ROR1: variants seen among roughly 807,000 people sequenced by gnomAD.
ROR1 encodes the protein inactive tyrosine-protein kinase transmembrane receptor ROR1.
A neutral mutation model predicts 78.8 loss-of-function variants in ROR1; 19 were observed. The ratio of observed to expected loss-of-function variants is 0.24; its 90% CI spans 0.17 to 0.35. ROR1 has a LOEUF of 0.35. Among genes scored for constraint, ROR1 ranks in the 10% least tolerant of loss-of-function variants. ROR1 has a pLI of 1.00. For synonymous variants in ROR1, 386 were observed against 433.6 expected (o/e 0.89, Z 1.36); for missense variants, 917 against 1,177.8 (o/e 0.78, Z 3.24).
rs78522235 is a variant in ROR1, at chr1:64,175,396, A to G, written c.1387-2032A>G. The stretch of plus-strand genomic sequence containing the variant: ...TTTTTTTTCAAATGTGGAATATTCT[A>G]TTTACTAGCTCCACTGTAATTGATT... On this transcript the variant is annotated intron_variant, in intron 8 of 8. Coordinates refer to ENST00000371079, the MANE Select transcript of ROR1 (RefSeq NM_005012.4). Among the ~76,000 whole-genome samples, 744 of 152,238 alleles carry G rather than the reference A, an allele frequency of 4.9e-3. 5 individuals carry two copies. Among genetic ancestry groups the G allele is most frequent in the African/African-American group, 0.016 (661 of 41,562 alleles).
At chr1:63,994,550 A>G (rs1646322305) in intron 1 of ROR1, among the ~76,000 whole-genome samples, 1 of 152,196 alleles carries the variant, frequency 6.6e-6, no homozygotes, top group African/African-American at 2.4e-5. Flanking sequence ...GTCAGAAAAA[A>G]TGCAGACAAT....
intron 1 of ROR1, among the ~76,000 whole-genome samples, chr1:63,852,227 A>G (rs1053896937): frequency 1.3e-5 from 2 of 152,248 alleles, no homozygotes; most frequent in Middle Eastern, 3.2e-3. Flanking sequence ...ACAGCTCATC[A>G]GTGGTGCTGC....
intron 4 of ROR1, chr1:64,111,515 C>T (rs930965974): frequency 1.3e-5 from 2 of 152,210 alleles, no homozygotes; most frequent in Non-Finnish European, 2.9e-5. Flanking sequence ...TTCTTAAGAA[C>T]CCTCAGGAGC....
chr1:64,081,859 A>G (rs189538737), intron 4 of ROR1, among the ~76,000 whole-genome samples: 88 of 152,182 alleles, frequency 5.8e-4, no homozygotes, highest in South Asian at 1.5e-3. Flanking sequence ...TCAATTCTAT[A>G]AAATATGTAT....
rs1208813882 is a variant in ROR1, at chr1:64,014,740, C to CTATATATATATATATATATA, written c.163+5379_163+5398dup. Among the ~76,000 whole-genome samples the CTATATATATATATATATATA allele has an allele frequency of 8.6e-3, 249 of 28,938 alleles. 8 individuals are homozygous for CTATATATATATATATATATA. The highest frequency in any genetic ancestry group is 0.013 in the African/African-American group (118 of 8,924). The allele number at this position is 28,938 out of a possible 152,430, so 19.0% of individuals were successfully genotyped here. Reference sequence around the variant, plus strand: ...ATATATATATATACACATACGCACACTATATATATATATATATATATATAT... The same window carrying CTATATATATATATATATATA: ...ATATATATATATACACATACGCACACTATATATATATATATATATATATATATATATATATATATATATAT... On this transcript the variant is annotated intron_variant, in intron 2 of 8. Transcript: ENST00000371079.
At chr1:64,083,593 G>GAAAAA (rs1270419889) in intron 4 of ROR1, among the ~76,000 whole-genome samples, 6 of 133,954 alleles carry the variant, frequency 4.5e-5, no homozygotes, top group Non-Finnish European at 6.2e-5. Context: ...GAGAGAGAGA[G>GAAAAA]AGAAAAAAAA....
chr1:63,785,214 C>T (rs1445726550), intron 1 of ROR1, among the ~76,000 whole-genome samples: 1 of 152,190 alleles, frequency 6.6e-6, no homozygotes, highest in African/African-American at 2.4e-5. Flanking sequence ...GATTTCACTC[C>T]AACTGGGGTG....
chr1:63,876,561 A>G (rs1434503724), intron 1 of ROR1, among the ~76,000 whole-genome samples: 2 of 152,036 alleles, frequency 1.3e-5, no homozygotes, highest in Non-Finnish European at 2.9e-5. Flanking sequence ...TCTGAATGTT[A>G]GCCCAGATGA....
chr1:64,153,303 G>A (rs899526595), intron 7 of ROR1, among the ~76,000 whole-genome samples: 1 of 152,150 alleles, frequency 6.6e-6, no homozygotes, highest in African/African-American at 2.4e-5. Context: ...TCTGTTGATA[G>A]GAATGTAAAA....
chr1:64,150,104 A>T (rs1220641688), intron 7 of ROR1, among the ~76,000 whole-genome samples: 3 of 152,104 alleles, frequency 2.0e-5, no homozygotes, highest in Middle Eastern at 3.2e-3. Flanking sequence ...TTTACCCTTG[A>T]TCAAATCCTG....
At chr1:64,123,373 G>T (rs1297749044) in intron 4 of ROR1, among the ~76,000 whole-genome samples, 1 of 152,084 alleles carries the variant, frequency 6.6e-6, no homozygotes, top group African/African-American at 2.4e-5. Context: ...TTGACATGTT[G>T]GATTTAAGGA....
At chr1:63,902,723 A>G (rs1445587170) in intron 1 of ROR1, among the ~76,000 whole-genome samples, 1 of 152,194 alleles carries the variant, frequency 6.6e-6, no homozygotes, top group Admixed American at 6.5e-5. Context: ...TATTGGCTTA[A>G]TAAGTTATGG....
intron 1 of ROR1, among the ~76,000 whole-genome samples, chr1:63,959,831 A>T (rs1024572532): frequency 1.3e-5 from 2 of 151,998 alleles, no homozygotes; most frequent in African/African-American, 4.8e-5. Context: ...TGGATTCTTC[A>T]TGTCCTTCAA....
intron 1 of ROR1, among the ~76,000 whole-genome samples, chr1:63,874,487 G>A (rs1021438671): frequency 6.6e-6 from 1 of 152,052 alleles, no homozygotes; most frequent in Non-Finnish European, 1.5e-5. Context: ...ACTTTCCACC[G>A]GGTGCTGAGA....
intron 4 of ROR1, among the ~76,000 whole-genome samples, chr1:64,087,368 C>A (rs1647163428): frequency 6.6e-6 from 1 of 152,184 alleles, no homozygotes; most frequent in African/African-American, 2.4e-5. Flanking sequence ...TAAGTACGAA[C>A]ACAATGGATG....
intron 1 of ROR1, chr1:63,843,311 C>T: frequency 8.0e-7 from 1 of 1,255,690 alleles, no homozygotes. Context: ...TCCCTGTCAG[C>T]TTCTTGACGG....
Position 63,999,368 on chromosome 1 carries a change from T to G in ROR1, c.92-9937T>G, listed in dbSNP as rs285378. ...AGTTGTGGTGGAAAATTCTGTTTTATTCAAAGGAAGAAATTAGATTATCCA... is the reference window on the plus strand; with the variant it reads ...AGTTGTGGTGGAAAATTCTGTTTTAGTCAAAGGAAGAAATTAGATTATCCA... On this transcript the variant is annotated intron_variant, in intron 1 of 8. Transcript: ENST00000371079. 1.9e-3 allele frequency among the ~76,000 whole-genome samples: 295 copies of G among 152,328 alleles called. 1 individual carries two copies. Among genetic ancestry groups the G allele is most frequent in the African/African-American group, 6.6e-3 (274 of 41,564 alleles).
intron 1 of ROR1, among the ~76,000 whole-genome samples, chr1:63,986,891 CAA>C (rs566117923): frequency 5.8e-5 from 7 of 120,216 alleles, no homozygotes; most frequent in Admixed American, 8.8e-5. Context: ...GACCCTGTCT[CAA>C]AAAAAAAAAA....
chr1:63,983,208 C>T (rs896409493), intron 1 of ROR1, among the ~76,000 whole-genome samples: 2 of 152,160 alleles, frequency 1.3e-5, no homozygotes, highest in Non-Finnish European at 1.5e-5. Flanking sequence ...TCTCACTCTC[C>T]CCCTCCGCAT....
Sources: gnomAD v4.1 joint callset for allele counts (sites outside exome capture counted in the v4.1 genomes callset) on GRCh38, gnomAD v4.1.1 for gene constraint, MANE v1.5 for transcripts, NCBI Gene and HGNC (gene_info 2026-07-23, HGNC 2026-07-21) for gene names.